The following SLFN13 variants were observed in gnomAD, a reference collection of about 807,000 sequenced individuals.
SLFN13 encodes schlafen-13.
Under a neutral mutation model 50.6 loss-of-function variants are expected in SLFN13, and 43 were observed. The observed-to-expected ratio is 0.85, with a 90% CI of 0.67 to 1.09. The LOEUF is 1.09. Among genes scored for constraint, SLFN13 ranks in the 50% least tolerant of loss-of-function variants. SLFN13 has a pLI of 0.00. For missense variants in SLFN13, 881 were observed against 1,071.1 expected, an observed-to-expected ratio of 0.82 and a Z score of 2.48; for synonymous variants, 339 against 386.5, an observed-to-expected ratio of 0.88 and a Z score of 1.44.
intron 4 of SLFN13, among the ~76,000 whole-genome samples, chr17:35,443,276 C>T (rs941418394): frequency 7.9e-5 from 12 of 151,932 alleles, no homozygotes; most frequent in Non-Finnish European, 1.8e-4. Context: ...ATTAGCGAGT[C>T]GTTCCCTCTA....
Position 35,439,060 on chromosome 17 carries a change from G to GGGT in SLFN13, c.*1534_*1535insACC, listed in dbSNP as rs1241584009. On this transcript the variant is annotated 3_prime_UTR_variant, in exon 6 of 6. Transcript: ENST00000285013. ...GACATAGGTGCCAGCAGGGTGGGGGGGGGGGTTCATTGTGAGGCTTCTCCT... is the reference window on the plus strand; with the variant it reads ...GACATAGGTGCCAGCAGGGTGGGGGGGGTGGGGGTTCATTGTGAGGCTTCTCCT... 2.6e-3 allele frequency: 366 copies of GGGT among 142,536 alleles called. 1 individual carries two copies. Among genetic ancestry groups the GGGT allele is most frequent in the African/African-American group, 8.4e-3 (337 of 40,072 alleles). The allele number at this position is 142,536 out of a possible 1,614,324, so 8.8% of individuals were successfully genotyped here.
chr17:35,439,895 C>A lies in SLFN13; in HGVS notation c.*700G>T, dbSNP rs888344812. 3.9e-5 allele frequency: 6 copies of A among 152,174 alleles called. 1 individual carries two copies. The allele number at this position is 152,174 out of a possible 1,614,324, so 9.4% of individuals were successfully genotyped here. A position where few individuals can be genotyped will look rare whatever the true frequency, so the allele number is the denominator to read the frequency against. Reference sequence around the variant, plus strand: ...AACTTCTACTGAAAGCCAGCATTTTCTCTTGGCCTATAATTTCTCTGTAAA... The same window carrying A: ...AACTTCTACTGAAAGCCAGCATTTTATCTTGGCCTATAATTTCTCTGTAAA... On this transcript the variant is annotated 3_prime_UTR_variant, in exon 6 of 6. Transcript: ENST00000285013.
chr17:35,438,466 T>A lies in SLFN13; in HGVS notation c.*2129A>T, dbSNP rs1190123242. 1 of 152,150 alleles carries A rather than the reference T, an allele frequency of 6.6e-6. No homozygotes were observed. Among genetic ancestry groups the A allele is most frequent in the East Asian group, 1.9e-4 (1 of 5,204 alleles). 9.4% of individuals were successfully genotyped at this position (152,150 alleles called of 1,614,324 possible). On this transcript the variant is annotated 3_prime_UTR_variant, in exon 6 of 6. Transcript: ENST00000285013. ...TATAGAGAGATTCAACCAGTCAGAA[T>A]TAGACTTTTAAAGAATTACTCTCAA...
rs917769090 is a variant in SLFN13, at chr17:35,444,734, A to G, written c.947T>C (p.Val316Ala). ...ELYGYLCVIK[V>A]KAFCCVVFSE... The stretch of plus-strand genomic sequence containing the variant: ...GAACACCACACAACAGAATGCCTTC[A>G]CTTTAATCACACAGAGATAGCCATA... Residue 316 changes from valine to alanine, a missense_variant, in exon 3 of 6, where the codon GTG becomes GCG. By Grantham distance (64) the Val-to-Ala change is moderately conservative. This residue lies in a region of SLFN13 where 497 missense variants were observed against 518.3 expected (regional missense o/e 0.96). Coordinates refer to ENST00000285013, the MANE Select transcript of SLFN13 (RefSeq NM_144682.6). The G allele has an allele frequency of 1.9e-6, 3 of 1,614,216 alleles. No homozygotes were observed.
rs769342801 is a variant in SLFN13 at position 35,441,185 on chromosome 17, GA to G, written c.2103del (p.Leu702TrpfsTer29). 10 of 1,614,044 alleles carry G rather than the reference GA, an allele frequency of 6.2e-6. 1 individual carries two copies. Among genetic ancestry groups the G allele is most frequent in the Non-Finnish European group, 8.5e-6 (10 of 1,179,972 alleles). On this transcript the variant is annotated frameshift_variant, in exon 6 of 6. Transcript: ENST00000285013. LOFTEE classifies it low-confidence loss of function (END_TRUNC). ...EKDCPGVLWIFLDYFQTSHLG... is the reference protein window; with the variant it reads ...EKDCPGVLWIXLDYFQTSHLG... ...AAGTGACTGGTCTGAAAGTAGTCCAGAAAGATCCAGAGAACTCCTGGACAAT... is the reference window on the plus strand; with the variant it reads ...AAGTGACTGGTCTGAAAGTAGTCCAGAAGATCCAGAGAACTCCTGGACAAT...
In SLFN13 at chr17:35,437,301, C is replaced by G. The variant is rs377115119; in HGVS notation, c.*3294G>C. The stretch of plus-strand genomic sequence containing the variant: ...TGAACTCCTGGAATCAAGCGATCCT[C>G]TCGCCTCGGCCTCTGGAATAGCTAG... On this transcript the variant is annotated 3_prime_UTR_variant, in exon 6 of 6. Coordinates refer to ENST00000285013, the MANE Select transcript of SLFN13 (RefSeq NM_144682.6). 1 of 152,102 alleles carries G rather than the reference C, an allele frequency of 6.6e-6. No homozygotes were observed. The highest frequency in any genetic ancestry group is 2.4e-5 in the African/African-American group (1 of 41,420). 9.4% of individuals were successfully genotyped at this position (152,102 alleles called of 1,614,324 possible).
chr17:35,443,928 A>C lies in SLFN13; in HGVS notation c.1067-8T>G, dbSNP rs1207012012. ...CAAAGTCTGGAGGAAACTCTGAAAG[A>C]AAGAACATTTTAATTTACACTATAT... On this transcript the variant is annotated splice_polypyrimidine_tract_variant and splice_region_variant and intron_variant, in intron 3 of 5. Coordinates refer to ENST00000285013, the MANE Select transcript of SLFN13 (RefSeq NM_144682.6). 1 of 1,612,126 alleles carries C rather than the reference A, an allele frequency of 6.2e-7. No homozygotes were observed. Among genetic ancestry groups the C allele is most frequent in the Non-Finnish European group, 8.5e-7 (1 of 1,178,880 alleles).
At chr17:35,447,567 C>T (rs1377742005) in intron 1 of SLFN13, among the ~76,000 whole-genome samples, 153 bp from the exon 2 acceptor site, 2 of 152,196 alleles carry the variant, frequency 1.3e-5, no homozygotes. Context: ...TCGCCTCCTA[C>T]ACAGGTATAC....
rs11275064 is a variant in SLFN13, at chr17:35,448,042, A to ATATTATTATTATTATTATTATTATTAT, written c.-160-629_-160-628insATAATAATAATAATAATAATAATAATA. 1.2e-4 allele frequency among the ~76,000 whole-genome samples: 17 copies of ATATTATTATTATTATTATTATTATTAT among 146,780 alleles called. No homozygotes were observed. The South Asian group carries it at 2.2e-3, about 19-fold the overall frequency. On this transcript the variant is annotated intron_variant, in intron 1 of 5. Coordinates refer to ENST00000285013, the MANE Select transcript of SLFN13 (RefSeq NM_144682.6). Reference sequence around the variant, plus strand: ...CGGTTAATTTATTAATATTAGTATTATATTATTATTATTATTATTATTCAT... The same window carrying ATATTATTATTATTATTATTATTATTAT: ...CGGTTAATTTATTAATATTAGTATTATATTATTATTATTATTATTATTATTATTATTATTATTATTATTATTATTCAT...
Position 35,440,195 on chromosome 17 carries a change from A to C in SLFN13, c.*400T>G, listed in dbSNP as rs1175022718. The C allele has an allele frequency of 5.9e-6, 1 of 169,084 alleles. No homozygotes were observed. The highest frequency in any genetic ancestry group is 1.2e-5 in the Non-Finnish European group (1 of 82,700). The allele number at this position is 169,084 out of a possible 1,614,324, so 10.5% of individuals were successfully genotyped here. Reference sequence around the variant, plus strand: ...GAAAACAATTCTGGACAAATTTTTTAAAGCAACAAACTACACGAAGTCACA... The same window carrying C: ...GAAAACAATTCTGGACAAATTTTTTCAAGCAACAAACTACACGAAGTCACA... On this transcript the variant is annotated 3_prime_UTR_variant, in exon 6 of 6. Transcript: ENST00000285013.
rs1913260992 is a variant in SLFN13, at chr17:35,447,284, A to G, written c.-30T>C. On this transcript the variant is annotated 5_prime_UTR_variant, in exon 2 of 6. Coordinates refer to ENST00000285013, the MANE Select transcript of SLFN13 (RefSeq NM_144682.6). ...GAAGCTTACCAATATATTTAACAAAAGCAACTGATTCTGTTGTATTTACAG... is the reference window on the plus strand; with the variant it reads ...GAAGCTTACCAATATATTTAACAAAGGCAACTGATTCTGTTGTATTTACAG... The G allele has an allele frequency of 6.6e-6, 1 of 152,252 alleles. No individual in the cohort carries two copies. Among genetic ancestry groups the G allele is most frequent in the South Asian group, 2.1e-4 (1 of 4,832 alleles). The allele number at this position is 152,252 out of a possible 1,614,324, so 9.4% of individuals were successfully genotyped here.
At chr17:35,448,157 T>A (rs1913327006) in intron 1 of SLFN13, 1 of 152,122 alleles carries the variant, frequency 6.6e-6, no homozygotes, top group South Asian at 2.1e-4. Flanking sequence ...GTGCTGAAGC[T>A]ACAGGCATGA....
rs1426116811 is a variant in SLFN13 at position 35,439,630 on chromosome 17, C to A, written c.*965G>T. On this transcript the variant is annotated 3_prime_UTR_variant, in exon 6 of 6. Coordinates refer to ENST00000285013, the MANE Select transcript of SLFN13 (RefSeq NM_144682.6). ...GTAGCTGGGATACAGGCATGCACCA[C>A]CATGCCCTGCTAATTTTTGTATTTT... is the stretch of plus-strand genomic sequence containing the variant. 5 of 152,212 alleles carry A rather than the reference C, an allele frequency of 3.3e-5. No homozygotes were observed. Among genetic ancestry groups the A allele is most frequent in the African/African-American group, 1.2e-4 (5 of 41,540 alleles). The allele number at this position is 152,212 out of a possible 1,614,324, so 9.4% of individuals were successfully genotyped here. A position where few individuals can be genotyped will look rare whatever the true frequency, so the allele number is the denominator to read the frequency against.
intron 3 of SLFN13, 142 bp downstream of exon 3, chr17:35,444,473 C>T: frequency 2.6e-6 from 2 of 756,050 alleles, no homozygotes; most frequent in East Asian, 2.8e-5. Context: ...CCCAATAAAA[C>T]TTCCCATCTA....
chr17:35,442,302 A>C lies in SLFN13; in HGVS notation c.1199-16T>G. The C allele has an allele frequency of 6.5e-7, 1 of 1,541,960 alleles. No individual in the cohort carries two copies. On this transcript the variant is annotated splice_polypyrimidine_tract_variant and intron_variant, in intron 4 of 5. Transcript: ENST00000285013. ...CCTGGTGGAACTAGACAGGAAGAAAATAGAAAGATGTTTTCACTGTGTTTA... is the reference window on the plus strand; with the variant it reads ...CCTGGTGGAACTAGACAGGAAGAAACTAGAAAGATGTTTTCACTGTGTTTA...
Position 35,440,992 on chromosome 17 carries a change from T to A in SLFN13, c.2297A>T (p.Glu766Val). 6.2e-7 allele frequency: 1 copy of A among 1,612,878 alleles called. No homozygotes were observed. The highest frequency in any genetic ancestry group is 8.5e-7 in the Non-Finnish European group (1 of 1,180,010). ...IPHGYLAILS[E>V]AKWVPGVPGN... is the part of the protein sequence containing the mutation. ...TGGAACACCTGGAACCCATTTAGCT[T>A]CACTGAGAATTGCCAGATACCCATG... The change falls in exon 6 of 6, where the codon GAA (glutamate) becomes GTA (valine). Residue 766 changes from glutamate to valine, a missense_variant. Glu to Val is a moderately radical substitution (Grantham distance 121). Coordinates refer to ENST00000285013, the MANE Select transcript of SLFN13 (RefSeq NM_144682.6).
rs775320733 is a variant in SLFN13, at chr17:35,440,995, C to A, written c.2294G>T (p.Ser765Ile). ...NIPHGYLAIL[S>I]EAKWVPGVPG... ...AACACCTGGAACCCATTTAGCTTCACTGAGAATTGCCAGATACCCATGGGG... is the reference window on the plus strand; with the variant it reads ...AACACCTGGAACCCATTTAGCTTCAATGAGAATTGCCAGATACCCATGGGG... Residue 765 changes from serine (S) to isoleucine (I), a missense_variant, in exon 6 of 6, where the codon AGT (serine) becomes ATT (isoleucine). Physicochemically the swap from Ser to Ile is moderately radical, Grantham distance 142 (BLOSUM62 -2). This residue lies in a region of SLFN13 where 322 missense variants were observed against 327.4 expected (regional missense o/e 0.98). Transcript: ENST00000285013. 1.9e-6 allele frequency: 3 copies of A among 1,612,666 alleles called. No individual in the cohort carries two copies. Among genetic ancestry groups the A allele is most frequent in the African/African-American group, 2.7e-5 (2 of 74,908 alleles).
At position 35,448,234 on chromosome 17, in the gene SLFN13, G is replaced by A. The variant is rs567959251; in HGVS notation, c.-161+488C>T. On this transcript the variant is annotated intron_variant, in intron 1 of 5. Transcript: ENST00000285013. ...TAAGAACAATAATTTACAGTGGTTAGTGAGTCAATGCCAAGAACCCTGAAA... is the reference window on the plus strand; with the variant it reads ...TAAGAACAATAATTTACAGTGGTTAATGAGTCAATGCCAAGAACCCTGAAA... 3.3e-5 allele frequency: 5 copies of A among 152,298 alleles called. No homozygotes were observed. The East Asian group carries it at 9.7e-4, about 29-fold the overall frequency. 9.4% of individuals were successfully genotyped at this position (152,298 alleles called of 1,614,324 possible).
At position 35,442,164 on chromosome 17, in the gene SLFN13, G is replaced by A. The variant is rs552965029; in HGVS notation, c.1321C>T (p.Leu441Phe). 4.6e-5 allele frequency: 74 copies of A among 1,614,114 alleles called. No individual in the cohort carries two copies. The Admixed American group carries it at 4.8e-4, about 11-fold the overall frequency. Residue 441 changes from leucine to phenylalanine, a missense_variant, in exon 5 of 6, where the codon CTC becomes TTC. Leu to Phe is a conservative substitution (Grantham distance 22). Around this residue, in one of 5 missense-constraint regions of SLFN13, gnomAD observed 497 missense variants for 518.3 expected, o/e 0.96. Transcript: ENST00000285013. The part of the protein sequence containing the change: ...MRPFSQGIVI[L>F]SRSWAVDLNL... ...AGGTCCACAGCCCAGCTTCTAGAGA[G>A]GATCACAATTCCCTGGGAGAAAGGT...
Sources: allele counts gnomAD v4.1 joint callset (sites outside exome capture counted in the v4.1 genomes callset), GRCh38; gene constraint gnomAD v4.1.1; regional missense constraint gnomAD v4.1.1; transcripts MANE v1.5; gene names NCBI Gene and HGNC (gene_info 2026-07-23, HGNC 2026-07-21).